The following NLGN4X variants were observed in gnomAD, a reference collection of about 807,000 sequenced individuals.
NLGN4X encodes neuroligin-4, X-linked.
A neutral mutation model predicts 40.3 loss-of-function variants in NLGN4X; 3 were observed. The observed-to-expected ratio is 0.07, with a 90% confidence interval of 0.03 to 0.19. The LOEUF is 0.19. Ranked by LOEUF, NLGN4X falls within the 10% of genes least tolerant of loss-of-function variation. The pLI is 1.00. For missense variants in NLGN4X, 382 were observed against 708.3 expected (o/e 0.54, Z 5.23); for synonymous variants, 270 against 306.8 (o/e 0.88, Z 1.25).
intron 3 of NLGN4X, among the ~76,000 whole-genome samples, chrX:5,976,916 G>A (rs773691408): frequency 4.5e-4 from 51 of 112,549 alleles, no homozygotes; most frequent in Non-Finnish European, 8.6e-4. Context: ...CCACTTGCTC[G>A]TGGTATTAAC....
Position 5,893,924 on chromosome X carries a change from T to C in NLGN4X, c.1602-258A>G, listed in dbSNP as rs5915619. On this transcript the variant is annotated intron_variant, in intron 5 of 5. Coordinates refer to ENST00000381095, the MANE Select transcript of NLGN4X (RefSeq NM_181332.3). ...GCAGCATTATGCAATTTTTATAACA[T>C]GTTTACTATTTTTTAAGGCATCAAA... 0.15 allele frequency among the ~76,000 whole-genome samples: 16,736 copies of C among 111,499 alleles called. 1,146 individuals are homozygous for C. The highest frequency in any genetic ancestry group is 0.26 in the African/African-American group (7,985 of 30,608).
intron 3 of NLGN4X, among the ~76,000 whole-genome samples, chrX:5,997,612 A>ATATG (rs2035862028): frequency 7.9e-5 from 1 of 12,631 alleles, no homozygotes; most frequent in Non-Finnish European, 1.4e-4. Flanking sequence ...ATATATATAT[A>ATATG]CACATATATA....
At chrX:5,917,170 G>C (rs933546812) in intron 3 of NLGN4X, among the ~76,000 whole-genome samples, 32 of 112,616 alleles carry the variant, frequency 2.8e-4, no homozygotes, top group African/African-American at 9.0e-4. Flanking sequence ...CACCTTGCCT[G>C]AGCACACCTT....
chrX:6,196,308 T>C (rs558882891), intron 1 of NLGN4X, among the ~76,000 whole-genome samples: 4 of 111,251 alleles, frequency 3.6e-5, no homozygotes, highest in African/African-American at 1.3e-4. Flanking sequence ...TCCCAGCTAC[T>C]CGGGAGGCCG....
intron 2 of NLGN4X, among the ~76,000 whole-genome samples, chrX:6,146,630 T>C (rs753392186): frequency 1.8e-5 from 2 of 109,748 alleles, no homozygotes; most frequent in Non-Finnish European, 1.9e-5. Flanking sequence ...AAAAAGATGA[T>C]AGGGACACCT....
At chrX:5,965,135 A>C (rs1356781595) in intron 3 of NLGN4X, among the ~76,000 whole-genome samples, 2 of 112,071 alleles carry the variant, frequency 1.8e-5, no homozygotes, top group Non-Finnish European at 3.8e-5. Flanking sequence ...ATGGCTTATC[A>C]AAAGCAGAAA....
intron 2 of NLGN4X, among the ~76,000 whole-genome samples, chrX:6,082,547 T>TA: frequency 9.1e-6 from 1 of 109,434 alleles, no homozygotes; most frequent in East Asian, 2.9e-4. Context: ...TCTCAAAACA[T>TA]AAAAAATAAA....
At position 5,891,533 on chromosome X, in the gene NLGN4X, C is replaced by T. The variant is rs41305199; in HGVS notation, c.*1284G>A. ...GCAGGTACTTCATCGGCCAAACCCT[C>T]CCGCAGCTGCTAGGGAACACAGAGC... On this transcript the variant is annotated 3_prime_UTR_variant, in exon 6 of 6. Transcript: ENST00000381095. 1,228 of 288,840 alleles carry T rather than the reference C, an allele frequency of 4.3e-3. No homozygotes were observed. The highest frequency in any genetic ancestry group is 6.9e-3 in the Non-Finnish European group (1,060 of 154,088). 23.8% of individuals were successfully genotyped at this position (288,840 alleles called of 1,213,427 possible). A position where few individuals can be genotyped will look rare whatever the true frequency, so the allele number is the denominator to read the frequency against.
intron 2 of NLGN4X, among the ~76,000 whole-genome samples, chrX:6,033,039 C>CAAAAAAAA (rs58234880): frequency 9.5e-6 from 1 of 105,135 alleles, no homozygotes; most frequent in Non-Finnish European, 2.0e-5. Context: ...GATGCTACTG[C>CAAAAAAAA]AAAAAAAAAA....
At chrX:6,044,301 G>A (rs2037256658) in intron 2 of NLGN4X, among the ~76,000 whole-genome samples, 1 of 110,448 alleles carries the variant, frequency 9.1e-6, no homozygotes. Flanking sequence ...TTAAGCATAT[G>A]TCACTCATCT....
intron 3 of NLGN4X, among the ~76,000 whole-genome samples, chrX:6,028,080 G>C (rs986537874): frequency 1.8e-5 from 2 of 110,786 alleles, no homozygotes; most frequent in Non-Finnish European, 3.8e-5. Flanking sequence ...GCCTCCCAAA[G>C]TGCTGGGATT....
At chrX:6,058,642 T>C (rs1429217789) in intron 2 of NLGN4X, among the ~76,000 whole-genome samples, 3 of 112,004 alleles carry the variant, frequency 2.7e-5, no homozygotes, top group Non-Finnish European at 5.6e-5. Flanking sequence ...AATAAAGGAT[T>C]GATACTGGGC....
At chrX:5,966,863 T>A (rs2034849385) in intron 3 of NLGN4X, among the ~76,000 whole-genome samples, 1 of 112,216 alleles carries the variant, frequency 8.9e-6, no homozygotes, top group African/African-American at 3.2e-5. Flanking sequence ...AAAGATTGTT[T>A]TGAAACTTGA....
chrX:6,072,550 A>C (rs1312145748), intron 2 of NLGN4X, among the ~76,000 whole-genome samples: 1 of 111,602 alleles, frequency 9.0e-6, no homozygotes, highest in Non-Finnish European at 1.9e-5. Flanking sequence ...AATATCCCTA[A>C]ACTGTACATG....
chrX:6,068,613 T>TA (rs758809781), intron 2 of NLGN4X, among the ~76,000 whole-genome samples: 1 of 112,050 alleles, frequency 8.9e-6, no homozygotes, highest in East Asian at 2.8e-4. Flanking sequence ...TCAACAATTG[T>TA]AAAAATTCAC....
chrX:6,044,769 A>G lies in NLGN4X; in HGVS notation c.473-15337T>C, dbSNP rs776276182. ...CCGTCCATGTATGGGGGCAGGGGAT[A>G]TATGAGAACTCTCTGTACGTTCCCC... On this transcript the variant is annotated intron_variant, in intron 2 of 5. Transcript: ENST00000381095. Among the ~76,000 whole-genome samples, 5 of 112,113 alleles carry G rather than the reference A, an allele frequency of 4.5e-5. No homozygotes were observed. The South Asian group carries it at 1.1e-3, about 25-fold the overall frequency.
chrX:5,922,236 G>T (rs1292987659), intron 3 of NLGN4X, among the ~76,000 whole-genome samples: 3 of 110,718 alleles, frequency 2.7e-5, no homozygotes, highest in Non-Finnish European at 5.7e-5. Flanking sequence ...TTATTTCTTC[G>T]TGGGGAGGGG....
chrX:5,931,860 C>T (rs948919513), intron 3 of NLGN4X, among the ~76,000 whole-genome samples: 37 of 111,664 alleles, frequency 3.3e-4, no homozygotes, highest in Non-Finnish European at 4.0e-4. Context: ...GGAGTGGCTG[C>T]ACCTTCTGGC....
chrX:5,969,506 T>C (rs1330650155), intron 3 of NLGN4X, among the ~76,000 whole-genome samples: 1 of 111,387 alleles, frequency 9.0e-6, no homozygotes, highest in Non-Finnish European at 1.9e-5. Flanking sequence ...ATGGCAATCA[T>C]TAAAAAGTCA....
Sources: gnomAD v4.1 joint callset for allele counts (sites outside exome capture counted in the v4.1 genomes callset) on GRCh38, gnomAD v4.1.1 for gene constraint, MANE v1.5 for transcripts, NCBI Gene and HGNC (gene_info 2026-07-23, HGNC 2026-07-21) for gene names.